The following CATSPERD variants were observed in gnomAD, a reference collection of about 807,000 sequenced individuals.
CATSPERD encodes the protein cation channel sperm-associated auxiliary subunit delta.
Under a neutral mutation model 98.1 loss-of-function variants are expected in CATSPERD, and 86 were observed. The observed-to-expected ratio is 0.88, with a 90% CI of 0.74 to 1.05. The LOEUF (loss-of-function observed/expected upper bound fraction) is 1.05, where lower values mean the gene tolerates loss of function less well. Among genes scored for constraint, CATSPERD ranks in the 50% least tolerant of loss-of-function variants. The pLI is 0.00. For synonymous variants in CATSPERD, 394 were observed against 390.2 expected, an observed-to-expected ratio of 1.01 and a Z score of -0.12; for missense variants, 995 against 1,005.7, an observed-to-expected ratio of 0.99 and a Z score of 0.14.
chr19:5,724,365 A>G (rs113636990), intron 1 of CATSPERD, among the ~76,000 whole-genome samples: 3,506 of 151,706 alleles, frequency 0.023, 56 homozygotes, highest in Non-Finnish European at 0.038. Flanking sequence ...GCCCAGCCTC[A>G]TCCAATTTTC....
intron 14 of CATSPERD, among the ~76,000 whole-genome samples, chr19:5,758,475 C>T (rs2056368869): frequency 6.6e-6 from 1 of 151,642 alleles, no homozygotes; most frequent in Admixed American, 6.6e-5. Flanking sequence ...CGCCTGGAAT[C>T]CCAGCACTTT....
intron 19 of CATSPERD, chr19:5,771,964 CTTT>C (rs1181266735): frequency 5.5e-6 from 1 of 181,644 alleles, no homozygotes; most frequent in African/African-American, 2.4e-5. Flanking sequence ...TTTCTTTTTT[CTTT>C]TTTTCTTTTC....
At chr19:5,753,027 C>CAA (rs139627967) in intron 12 of CATSPERD, among the ~76,000 whole-genome samples, 1 of 98,964 alleles carries the variant, frequency 1.0e-5, no homozygotes, top group Non-Finnish European at 2.2e-5. Context: ...GACTCCATGT[C>CAA]AAAAAAAAAA....
chr19:5,765,647 A>G (rs2056524427), intron 16 of CATSPERD, among the ~76,000 whole-genome samples: 1 of 151,802 alleles, frequency 6.6e-6, no homozygotes, highest in African/African-American at 2.4e-5. Context: ...CCCCGTCTCT[A>G]CTAAAAATAC....
chr19:5,737,062 CAAAACAA>C (rs1156838457), intron 5 of CATSPERD, 69 bp from the exon 6 acceptor site: 4 of 982,810 alleles, frequency 4.1e-6, no homozygotes, highest in African/African-American at 1.6e-5. Flanking sequence ...GTCTCAAAAA[CAAAACAA>C]AAAACAAAAA....
At chr19:5,760,557 C>T (rs989441002) in intron 15 of CATSPERD, among the ~76,000 whole-genome samples, 5 of 145,556 alleles carry the variant, frequency 3.4e-5, no homozygotes, top group Non-Finnish European at 6.0e-5. Context: ...GTCACAGAGA[C>T]AGGAAGTAGG....
intron 13 of CATSPERD, among the ~76,000 whole-genome samples, chr19:5,755,195 C>T (rs2056301717): frequency 6.6e-6 from 1 of 152,006 alleles, no homozygotes; most frequent in Non-Finnish European, 1.5e-5. Flanking sequence ...GCTAAGAGCC[C>T]TGACCCCTAT....
At chr19:5,742,517 C>T (rs1221736484) in intron 7 of CATSPERD, among the ~76,000 whole-genome samples, 1 of 152,086 alleles carries the variant, frequency 6.6e-6, no homozygotes, top group Non-Finnish European at 1.5e-5. Flanking sequence ...TACAGTGGCT[C>T]TCACCTGTAA....
intron 10 of CATSPERD, 116 bp from the exon 11 acceptor site, chr19:5,748,985 C>A: frequency 1.4e-6 from 1 of 732,790 alleles, no homozygotes; most frequent in Non-Finnish European, 2.2e-6. Flanking sequence ...CCCCCTCGGC[C>A]TCTCAAAGTG....
chr19:5,766,459 GAA>G (rs71979608), intron 17 of CATSPERD, among the ~76,000 whole-genome samples: 111 of 142,444 alleles, frequency 7.8e-4, no homozygotes, highest in Middle Eastern at 3.5e-3. Flanking sequence ...CTCTCGTCTT[GAA>G]AAAAAAAAAA....
chr19:5,723,428 A>C (rs1003889991), intron 1 of CATSPERD, among the ~76,000 whole-genome samples: 3 of 144,552 alleles, frequency 2.1e-5, no homozygotes, highest in African/African-American at 7.7e-5. Flanking sequence ...AGTATCTGGG[A>C]TAACAGGCGC....
intron 4 of CATSPERD, among the ~76,000 whole-genome samples, chr19:5,731,600 G>T (rs2055724282): frequency 2.0e-5 from 2 of 100,354 alleles, no homozygotes; most frequent in East Asian, 3.3e-4. Context: ...ACGGAGTCTC[G>T]CTCTGTCACC....
rs1303334332 is a variant in CATSPERD at position 5,720,810 on chromosome 19, T to C, written c.71+2T>C. 6.3e-7 allele frequency: 1 copy of C among 1,598,028 alleles called. No homozygotes were observed. The highest frequency in any genetic ancestry group is 1.7e-5 in the Admixed American group (1 of 59,574). ...GCTGGTCACAGCTCAGCTCTGTCGGTGGGGCTGCCAGGACTCCTGGGGCTG... is the reference window on the plus strand; with the variant it reads ...GCTGGTCACAGCTCAGCTCTGTCGGCGGGGCTGCCAGGACTCCTGGGGCTG... On this transcript the variant is annotated splice_donor_variant, in intron 1 of 21. Transcript: ENST00000381624. LOFTEE classifies it high-confidence loss of function.
intron 1 of CATSPERD, among the ~76,000 whole-genome samples, chr19:5,723,777 T>C (rs1417702283): frequency 6.9e-6 from 1 of 145,484 alleles, no homozygotes; most frequent in East Asian, 2.0e-4. Context: ...TTTTGTTTTG[T>C]TTTTGTTTTT....
chr19:5,776,211 AGACGTCCAGTATCAGATCTTGGGCGGCCG>A lies in CATSPERD; in HGVS notation c.1996_2024del (p.Val666SerfsTer33). The A allele has an allele frequency of 1.9e-6, 3 of 1,614,242 alleles. No individual in the cohort carries two copies. Among genetic ancestry groups the A allele is most frequent in the Non-Finnish European group, 2.5e-6 (3 of 1,180,038 alleles). On this transcript the variant is annotated frameshift_variant, in exon 21 of 22. Coordinates refer to ENST00000381624, the MANE Select transcript of CATSPERD (RefSeq NM_152784.4). LOFTEE classifies it high-confidence loss of function. ...ACAACAATGCCCCTTTGAGGTGGCC[AGACGTCCAGTATCAGATCTTGGGCGGCCG>A]GACAGCAAACCAGATCATTTTCGGC...
At chr19:5,776,731 G>A (rs146168619) in intron 21 of CATSPERD, among the ~76,000 whole-genome samples, 11 of 152,126 alleles carry the variant, frequency 7.2e-5, no homozygotes, top group African/African-American at 2.4e-4. Context: ...AAAATTAGCC[G>A]GCTGTGGTGG....
chr19:5,737,771 G>T (rs892119943), intron 6 of CATSPERD, among the ~76,000 whole-genome samples: 2 of 150,736 alleles, frequency 1.3e-5, no homozygotes, highest in Admixed American at 1.3e-4. Context: ...AATCCCTTGA[G>T]CCTGGGAGGC....
intron 1 of CATSPERD, among the ~76,000 whole-genome samples, chr19:5,723,795 A>G (rs1191465894): frequency 1.4e-4 from 18 of 127,186 alleles, no homozygotes; most frequent in African/African-American, 5.8e-4. Context: ...TTTTTTTTTG[A>G]GATGGAGTTT....
chr19:5,746,173 AT>A (rs1388293353), intron 9 of CATSPERD, 110 bp downstream of exon 9: 1 of 1,166,080 alleles, frequency 8.6e-7, no homozygotes, highest in East Asian at 2.3e-5. Flanking sequence ...CCACTCGGTT[AT>A]TTTTTCTCTT....
Sources: allele counts gnomAD v4.1 joint callset (sites outside exome capture counted in the v4.1 genomes callset), GRCh38; gene constraint gnomAD v4.1.1; transcripts MANE v1.5; gene names NCBI Gene and HGNC (gene_info 2026-07-23, HGNC 2026-07-21).